RNF152: variants seen among roughly 807,000 people sequenced by gnomAD.
RNF152 encodes the protein ring finger protein 152.
RNF152 carries 11 observed loss-of-function variants against 12.7 expected under a neutral mutation model. The observed-to-expected ratio is 0.86, with a 90% CI of 0.54 to 1.43. The LOEUF is 1.43. Ranked by LOEUF, RNF152 falls within the 40% of genes most tolerant of loss-of-function variation. The pLI is 0.00. For missense variants in RNF152, 255 were observed against 274.8 expected (o/e 0.93, Z 0.51); for synonymous variants, 113 against 120.3 (o/e 0.94, Z 0.40).
At chr18:61,881,688 G>T (rs1181312722) in intron 1 of RNF152, among the ~76,000 whole-genome samples, 1 of 152,104 alleles carries the variant, frequency 6.6e-6, no homozygotes, top group Non-Finnish European at 1.5e-5. Context: ...AAATTATCTA[G>T]ATGGCATCTA....
intron 1 of RNF152, among the ~76,000 whole-genome samples, chr18:61,874,453 G>A (rs1332949935): frequency 6.6e-6 from 1 of 152,200 alleles, no homozygotes; most frequent in Non-Finnish European, 1.5e-5. Context: ...GACCACTGAA[G>A]AAATCACATT....
chr18:61,882,434 T>C (rs1039137622), intron 1 of RNF152, among the ~76,000 whole-genome samples: 14 of 152,232 alleles, frequency 9.2e-5, no homozygotes, highest in Non-Finnish European at 1.6e-4. Context: ...AGTATCTTGG[T>C]GTGCATGATG....
chr18:61,833,353 T>A (rs1910037666), intron 1 of RNF152, among the ~76,000 whole-genome samples: 2 of 152,210 alleles, frequency 1.3e-5, no homozygotes, highest in Admixed American at 6.5e-5. Flanking sequence ...AAGGTCAAAT[T>A]TAACCTACAT....
chr18:61,830,254 C>T (rs1375060378), intron 1 of RNF152, among the ~76,000 whole-genome samples: 1 of 151,994 alleles, frequency 6.6e-6, no homozygotes, highest in East Asian at 1.9e-4. Context: ...TTGAACTCCT[C>T]ACCTCAAGTG....
chr18:61,851,181 AG>A (rs1910960226), intron 1 of RNF152, among the ~76,000 whole-genome samples: 2 of 152,082 alleles, frequency 1.3e-5, no homozygotes, highest in South Asian at 4.2e-4. Context: ...AGAAACAGAC[AG>A]GCTGTACTCA....
rs996873219 is a variant in RNF152, at chr18:61,813,428, A to AT, written c.*2423dup. The stretch of plus-strand genomic sequence containing the variant: ...CAGTAAGACTCACAAAAAAAATCTG[A>AT]TTTTGGTTGTTGTTGTTAAATTTAA... On this transcript the variant is annotated 3_prime_UTR_variant, in exon 2 of 2. Transcript: ENST00000312828. 1.3e-5 allele frequency: 2 copies of AT among 152,080 alleles called. No homozygotes were observed. Among genetic ancestry groups the AT allele is most frequent in the Non-Finnish European group, 2.9e-5 (2 of 68,016 alleles). 9.4% of individuals were successfully genotyped at this position (152,080 alleles called of 1,614,324 possible).
intron 1 of RNF152, among the ~76,000 whole-genome samples, chr18:61,871,291 T>C (rs1911986291): frequency 6.7e-6 from 1 of 149,958 alleles, no homozygotes; most frequent in African/African-American, 2.4e-5. Context: ...CATCATTTCA[T>C]TCCTCTGGGC....
chr18:61,854,402 A>C (rs1911125364), intron 1 of RNF152, among the ~76,000 whole-genome samples: 1 of 152,230 alleles, frequency 6.6e-6, no homozygotes, highest in Non-Finnish European at 1.5e-5. Flanking sequence ...ATTTGCTAAG[A>C]CATACACACA....
At chr18:61,829,204 G>A (rs1599271509) in intron 1 of RNF152, among the ~76,000 whole-genome samples, 1 of 152,136 alleles carries the variant, frequency 6.6e-6, no homozygotes, top group African/African-American at 2.4e-5. Context: ...TTCTCCTAGC[G>A]AATATCACTG....
intron 1 of RNF152, among the ~76,000 whole-genome samples, chr18:61,863,020 C>G (rs1396865472): frequency 1.3e-5 from 2 of 152,106 alleles, no homozygotes; most frequent in African/African-American, 4.8e-5. Flanking sequence ...GAGAGTTTTC[C>G]CTACACACAG....
rs1909020134 is a variant in RNF152 at position 61,815,503 on chromosome 18, G to A, written c.*349C>T. Reference sequence around the variant, plus strand: ...GTTTGAATCTACCGCATTTAGAGAAGGTCACATTGTACGCACTTGTACAGT... The same window carrying A: ...GTTTGAATCTACCGCATTTAGAGAAAGTCACATTGTACGCACTTGTACAGT... On this transcript the variant is annotated 3_prime_UTR_variant, in exon 2 of 2. Transcript: ENST00000312828. 5.3e-6 allele frequency: 1 copy of A among 189,488 alleles called. No homozygotes were observed. The highest frequency in any genetic ancestry group is 5.6e-5 in the Admixed American group (1 of 18,006). The allele number at this position is 189,488 out of a possible 1,614,324, so 11.7% of individuals were successfully genotyped here.
At chr18:61,830,832 C>G (rs1909907942) in intron 1 of RNF152, among the ~76,000 whole-genome samples, 1 of 152,088 alleles carries the variant, frequency 6.6e-6, no homozygotes, top group Admixed American at 6.5e-5. Flanking sequence ...TTGAGGGGTA[C>G]AGCTGTGACA....
chr18:61,816,677 C>G, intron 1 of RNF152, 79 bp from the exon 2 acceptor site: 1 of 530,784 alleles, frequency 1.9e-6, no homozygotes, highest in Non-Finnish European at 3.3e-6. Flanking sequence ...GGATTTATAC[C>G]ATTGCTCAAA....
chr18:61,846,106 GA>G (rs1910733828), intron 1 of RNF152, among the ~76,000 whole-genome samples: 1 of 152,114 alleles, frequency 6.6e-6, no homozygotes, highest in Non-Finnish European at 1.5e-5. Flanking sequence ...CCAGCCTCCA[GA>G]ACTGTGAGTA....
intron 1 of RNF152, among the ~76,000 whole-genome samples, chr18:61,823,207 G>A (rs1006677042): frequency 1.1e-4 from 17 of 152,226 alleles, no homozygotes; most frequent in Non-Finnish European, 1.9e-4. Context: ...ATTGGCTCGA[G>A]CTCTAATATT....
intron 1 of RNF152, among the ~76,000 whole-genome samples, chr18:61,835,593 CA>C (rs1457038262): frequency 1.3e-5 from 2 of 152,042 alleles, no homozygotes; most frequent in African/African-American, 2.4e-5. Flanking sequence ...AAATATATTA[CA>C]TATCAAAAAT....
At chr18:61,862,683 C>T (rs1032309169) in intron 1 of RNF152, among the ~76,000 whole-genome samples, 4 of 152,188 alleles carry the variant, frequency 2.6e-5, no homozygotes, top group Non-Finnish European at 5.9e-5. Flanking sequence ...GTCTCTTCAT[C>T]GGTATCCTTT....
In RNF152 at chr18:61,816,380, C is replaced by T. The variant is rs1257037326; in HGVS notation, c.84G>A (p.Leu28=). 3.1e-6 allele frequency: 5 copies of T among 1,614,058 alleles called. No individual in the cohort carries two copies. Among genetic ancestry groups the T allele is most frequent in the East Asian group, 2.2e-5 (1 of 44,880 alleles). The part of the protein sequence containing the change: ...YYSPRRRPKL[L]DCKHTCCSVC... ...CTGAACAGCAGGTGTGCTTGCAGTC[C>T]AGCAACTTGGGCCTGCGCCGGGGGC... The change falls in exon 2 of 2, where the codon CTG becomes CTA. Residue 28 remains leucine, a synonymous_variant. Coordinates refer to ENST00000312828, the MANE Select transcript of RNF152 (RefSeq NM_173557.3).
intron 1 of RNF152, among the ~76,000 whole-genome samples, chr18:61,826,112 T>C (rs1364188714): frequency 6.6e-6 from 1 of 152,198 alleles, no homozygotes; most frequent in Admixed American, 6.5e-5. Context: ...CTATGTTCTG[T>C]GGGGACCCAC....
Sources: allele counts gnomAD v4.1 joint callset (sites outside exome capture counted in the v4.1 genomes callset), GRCh38; gene constraint gnomAD v4.1.1; transcripts MANE v1.5; gene names NCBI Gene and HGNC (gene_info 2026-07-23, HGNC 2026-07-21).